The following ARRB2 variants were observed in gnomAD, a reference collection of about 807,000 sequenced individuals.
ARRB2 encodes the protein arrestin beta 2, also known as beta-arrestin-2.
A neutral mutation model predicts 53.4 loss-of-function variants in ARRB2; 21 were observed. The ratio of observed to expected loss-of-function variants is 0.39; its 90% CI spans 0.28 to 0.57. The LOEUF (loss-of-function observed/expected upper bound fraction) is 0.57. Among genes scored for constraint, ARRB2 ranks in the 20% least tolerant of loss-of-function variants. The pLI is 0.55. For synonymous variants in ARRB2, 180 were observed against 212.9 expected (o/e 0.85, Z 1.34); for missense variants, 369 against 527.5 (o/e 0.70, Z 2.94).
In ARRB2 at chr17:4,716,545, C is replaced by T. The variant is rs758839620; in HGVS notation, c.294C>T (p.Pro98=). The T allele has an allele frequency of 1.9e-6, 3 of 1,593,668 alleles. No homozygotes were observed. Among genetic ancestry groups the T allele is most frequent in the Non-Finnish European group, 1.7e-6 (2 of 1,170,710 alleles). ...FPPVPNPPRP[P]TRLQDRLLRK... ...CGGTGCCCAACCCACCCCGGCCCCCCACCCGCCTGCAGGACCGGCTGCTGA... is the reference window on the plus strand; with the variant it reads ...CGGTGCCCAACCCACCCCGGCCCCCTACCCGCCTGCAGGACCGGCTGCTGA... The change falls in exon 5 of 15, where the codon CCC becomes CCT. Residue 98 remains proline (P), a synonymous_variant. Coordinates refer to ENST00000269260, the MANE Select transcript of ARRB2 (RefSeq NM_004313.4).
intron 9 of ARRB2, 88 bp downstream of exon 9, chr17:4,718,433 C>T: frequency 6.9e-7 from 1 of 1,458,760 alleles, no homozygotes; most frequent in Non-Finnish European, 9.5e-7. Context: ...GGCCATTTCC[C>T]AGTGCGGGAG....
At chr17:4,716,242 G>A (rs1281361950) in intron 4 of ARRB2, 51 bp downstream of exon 4, 3 of 1,612,712 alleles carry the variant, frequency 1.9e-6, no homozygotes, top group Non-Finnish European at 2.5e-6. Flanking sequence ...CTAGGGAAGT[G>A]AAATGGGCTG....
Position 4,721,279 on chromosome 17 carries a change from G to C in ARRB2, c.*240G>C. ...CTCTGCTTCTCCAGCCCCGCCGTGG[G>C]TGGCAAGCTGTGTTCATACCTAAAT... On this transcript the variant is annotated 3_prime_UTR_variant, in exon 15 of 15. Transcript: ENST00000269260. The surrounding 1 kb of genome is among the most constrained non-coding windows in gnomAD (Gnocchi z 4.2). 1 of 517,526 alleles carries C rather than the reference G, an allele frequency of 1.9e-6. No homozygotes were observed. The highest frequency in any genetic ancestry group is 3.4e-6 in the Non-Finnish European group (1 of 291,928). The allele number at this position is 517,526 out of a possible 1,614,324, so 32.1% of individuals were successfully genotyped here. A position where few individuals can be genotyped will look rare whatever the true frequency, so the allele number is the denominator to read the frequency against.
chr17:4,716,706 A>G (rs1161068974), intron 5 of ARRB2, 98 bp downstream of exon 5: 1 of 1,480,696 alleles, frequency 6.8e-7, no homozygotes, highest in South Asian at 1.3e-5. Flanking sequence ...TGGAAGAAAC[A>G]GTGAGGCAGG....
At chr17:4,716,876 C>T (rs1915123534) in intron 5 of ARRB2, 2 of 667,402 alleles carry the variant, frequency 3.0e-6, no homozygotes, top group Non-Finnish European at 5.0e-6. Flanking sequence ...GCTCTGTCGC[C>T]CAGGCTGGAG....
chr17:4,718,051 C>T (rs1464348293), intron 8 of ARRB2, 28 bp downstream of exon 8: 1 of 1,611,444 alleles, frequency 6.2e-7, no homozygotes, highest in African/African-American at 1.3e-5. Flanking sequence ...GACACGGATG[C>T]CACGGTGCAG....
At position 4,720,576 on chromosome 17, in the gene ARRB2, G is replaced by A. The variant is rs199767189; in HGVS notation, c.1082-10G>A. ...ACCCACCCCCACACCCCCTCTTCCC[G>A]TCCCCCCAGCCGCTCCGGAGACAGA... is the stretch of plus-strand genomic sequence containing the variant. On this transcript the variant is annotated splice_polypyrimidine_tract_variant and intron_variant, in intron 13 of 14. Coordinates refer to ENST00000269260, the MANE Select transcript of ARRB2 (RefSeq NM_004313.4). 91 of 1,238,558 alleles carry A rather than the reference G, an allele frequency of 7.3e-5. 1 individual carries two copies. Among genetic ancestry groups the A allele is most frequent in the Middle Eastern group, 6.0e-4 (3 of 4,986 alleles). The allele number at this position is 1,238,558 out of a possible 1,614,324, so 76.7% of individuals were successfully genotyped here.
Position 4,717,597 on chromosome 17 carries a change from G to A in ARRB2, c.418-88G>A, listed in dbSNP as rs768403944. ...AGACCACAATGAGGCAAGAGTCCCT[G>A]CCCGAGAGGAGGGAAGGGGGAGGAA... is the stretch of plus-strand genomic sequence containing the variant. On this transcript the variant is annotated intron_variant, in intron 6 of 14. Coordinates refer to ENST00000269260, the MANE Select transcript of ARRB2 (RefSeq NM_004313.4). The surrounding 1 kb of genome is among the most constrained non-coding windows in gnomAD (Gnocchi z 6.0). The A allele has an allele frequency of 6.3e-5, 97 of 1,536,272 alleles. No homozygotes were observed. Among genetic ancestry groups the A allele is most frequent in the Non-Finnish European group, 8.1e-5 (90 of 1,112,220 alleles).
In ARRB2 at chr17:4,721,131, C is replaced by T; in HGVS notation, c.*92C>T. The T allele has an allele frequency of 7.6e-7, 1 of 1,320,508 alleles. No homozygotes were observed. The highest frequency in any genetic ancestry group is 1.1e-6 in the Non-Finnish European group (1 of 934,362). 81.8% of individuals were successfully genotyped at this position (1,320,508 alleles called of 1,614,324 possible). On this transcript the variant is annotated 3_prime_UTR_variant, in exon 15 of 15. Coordinates refer to ENST00000269260, the MANE Select transcript of ARRB2 (RefSeq NM_004313.4). This position sits in a 1 kb window ranked among gnomAD's most constrained non-coding sequence, Gnocchi z 4.2. ...TGTCAATGGGGGATTGTCCCAGCCC[C>T]TCTTCCCTTCCCCTCACCTGGAAGC...
At chr17:4,718,148 G>A in intron 8 of ARRB2, 113 bp from the exon 9 acceptor site, 1 of 1,555,366 alleles carries the variant, frequency 6.4e-7, no homozygotes, top group Admixed American at 1.9e-5. Context: ...CAGTTGCCGT[G>A]GGCTTGGGTT....
chr17:4,711,926 C>T (rs539068910), intron 1 of ARRB2, among the ~76,000 whole-genome samples: 9 of 152,350 alleles, frequency 5.9e-5, no homozygotes, highest in Admixed American at 3.9e-4. Flanking sequence ...TCCCACTGGG[C>T]ACCTCCCTGG....
chr17:4,719,220 A>T, intron 10 of ARRB2, 63 bp from the exon 11 acceptor site: 1 of 1,565,634 alleles, frequency 6.4e-7, no homozygotes, highest in Non-Finnish European at 8.7e-7. Flanking sequence ...CTTGGGGGTC[A>T]TAGGCCGCCC....
intron 3 of ARRB2, 46 bp from the exon 4 acceptor site, chr17:4,716,101 G>A (rs368334822): frequency 1.4e-5 from 23 of 1,614,040 alleles, no homozygotes; most frequent in East Asian, 8.9e-5. Context: ...CCAGGAAAGC[G>A]GGGAGCGGCC....
Position 4,716,010 on chromosome 17 carries a change from A to G in ARRB2, c.92A>G (p.His31Arg). Reference sequence around the variant, plus strand: ...TTGGGCAAGCGGGACTTCGTAGATCACCTGGACAAAGTGGACCCTGTAGGT... The same window carrying G: ...TTGGGCAAGCGGGACTTCGTAGATCGCCTGGACAAAGTGGACCCTGTAGGT... ...VYLGKRDFVDHLDKVDPVDGV... is the reference protein window; with the variant it reads ...VYLGKRDFVDRLDKVDPVDGV... The change falls in exon 3 of 15, where the codon CAC becomes CGC. Residue 31 changes from histidine to arginine, a missense_variant. By Grantham distance (29) the His-to-Arg change is conservative. Transcript: ENST00000269260. The G allele has an allele frequency of 6.2e-7, 1 of 1,614,178 alleles. No individual in the cohort carries two copies. The highest frequency in any genetic ancestry group is 8.5e-7 in the Non-Finnish European group (1 of 1,180,020).
In ARRB2 at chr17:4,719,339, T is replaced by G; in HGVS notation, c.836T>G (p.Leu279Arg). Reference sequence around the variant, plus strand: ...AAGGTGTACACCATAACCCCACTGCTCAGCGACAACCGGGAGAAGCGGGGT... The same window carrying G: ...AAGGTGTACACCATAACCCCACTGCGCAGCGACAACCGGGAGAAGCGGGGT... Reference protein sequence around the residue: ...FCKVYTITPLLSDNREKRGLA... With the variant: ...FCKVYTITPLRSDNREKRGLA... The change falls in exon 11 of 15, where the codon CTC (leucine) becomes CGC (arginine). Residue 279 changes from leucine (L) to arginine (R), a missense_variant. Physicochemically the swap from Leu to Arg is moderately radical, Grantham distance 102. Transcript: ENST00000269260. 1 of 1,614,076 alleles carries G rather than the reference T, an allele frequency of 6.2e-7. No homozygotes were observed. Among genetic ancestry groups the G allele is most frequent in the Non-Finnish European group, 8.5e-7 (1 of 1,179,986 alleles).
At chr17:4,714,519 T>TG (rs1914749984) in intron 1 of ARRB2, 1 of 216,616 alleles carries the variant, frequency 4.6e-6, no homozygotes. Flanking sequence ...TGGCCATTAC[T>TG]GGGGAGGGAA....
chr17:4,715,694 G>GACAC (rs150787978), intron 2 of ARRB2: 299 of 443,366 alleles, frequency 6.7e-4, no homozygotes, highest in African/African-American at 3.5e-3. Context: ...GTTGGCTGAG[G>GACAC]ACACACACAC....
At chr17:4,719,570 C>G (rs1328391302) in intron 11 of ARRB2, 150 bp downstream of exon 11, 4 of 1,187,274 alleles carry the variant, frequency 3.4e-6, no homozygotes, top group African/African-American at 1.5e-5. Flanking sequence ...CAAATCTGAT[C>G]AGTGGTCACT....
rs974554740 is a variant in ARRB2, at chr17:4,721,273, C to G, written c.*234C>G. 1.2e-5 allele frequency: 6 copies of G among 513,070 alleles called. No homozygotes were observed. In the African/African-American group the frequency reaches 1.2e-4, roughly 10 times the overall value. The allele number at this position is 513,070 out of a possible 1,614,324, so 31.8% of individuals were successfully genotyped here. Reference sequence around the variant, plus strand: ...CTGCAGCTCTGCTTCTCCAGCCCCGCCGTGGGTGGCAAGCTGTGTTCATAC... The same window carrying G: ...CTGCAGCTCTGCTTCTCCAGCCCCGGCGTGGGTGGCAAGCTGTGTTCATAC... On this transcript the variant is annotated 3_prime_UTR_variant, in exon 15 of 15. Transcript: ENST00000269260. This position sits in a 1 kb window ranked among gnomAD's most constrained non-coding sequence, Gnocchi z 4.2.
Sources: allele counts gnomAD v4.1 joint callset (sites outside exome capture counted in the v4.1 genomes callset), GRCh38; gene constraint gnomAD v4.1.1; non-coding constraint Gnocchi (gnomAD v3.1); transcripts MANE v1.5; gene names NCBI Gene and HGNC (gene_info 2026-07-23, HGNC 2026-07-21).